HACL2: variants seen among roughly 807,000 people sequenced by gnomAD.
HACL2 encodes 2-hydroxyacyl-CoA lyase 1 like.
chr19:15,120,798 G>T, the HACL2 span, among the ~76,000 whole-genome samples: 1 of 152,190 alleles, frequency 6.6e-6, no homozygotes, highest in Non-Finnish European at 1.5e-5. Flanking sequence ...GGAACCGTGG[G>T]AAGCCCCGCA....
chr19:15,123,205 G>A, the HACL2 span: 7 of 1,613,884 alleles, frequency 4.3e-6, no homozygotes, highest in African/African-American at 4.0e-5. This position sits in a 1 kb window ranked among gnomAD's most constrained non-coding sequence, Gnocchi z 5.1. Context: ...GTGTTGGTGA[G>A]GCCAGGGCCT....
the HACL2 span, chr19:15,123,332 C>T: frequency 6.2e-7 from 1 of 1,606,828 alleles, no homozygotes; most frequent in Admixed American, 1.7e-5. The surrounding 1 kb of genome is among the most constrained non-coding windows in gnomAD (Gnocchi z 5.1). Flanking sequence ...ACACTCTAGC[C>T]CACAGTCCAA....
At chr19:15,122,860 A>C in the HACL2 span, 3,156 of 1,612,568 alleles carry the variant, frequency 2.0e-3, 30 homozygotes, top group South Asian at 0.016. This position sits in a 1 kb window ranked among gnomAD's most constrained non-coding sequence, Gnocchi z 4.0. Context: ...CCTCGGCCCC[A>C]GCACTGCTCA....
At chr19:15,116,291 G>A in the HACL2 span, 25 of 1,613,874 alleles carry the variant, frequency 1.5e-5, no homozygotes, top group Non-Finnish European at 2.1e-5. Flanking sequence ...CTGGGTTCAG[G>A]TGCTGGGCCA....
At chr19:15,119,138 G>A in the HACL2 span, 2 of 1,521,718 alleles carry the variant, frequency 1.3e-6, no homozygotes, top group African/African-American at 2.8e-5. Flanking sequence ...CCTGGGGGAA[G>A]GAGGGAAAGG....
chr19:15,116,430 G>T, the HACL2 span: 1 of 1,613,900 alleles, frequency 6.2e-7, no homozygotes, highest in East Asian at 2.2e-5. Flanking sequence ...TCCTTCTGCC[G>T]GTCGGCTTCC....
the HACL2 span, chr19:15,115,066 A>T: frequency 2.9e-6 from 2 of 682,390 alleles, no homozygotes; most frequent in Non-Finnish European, 2.6e-6. Flanking sequence ...GGGTCCGTGA[A>T]GAGGAGGGTC....
chr19:15,125,082 G>A, the HACL2 span: 1 of 1,518,114 alleles, frequency 6.6e-7, no homozygotes, highest in Non-Finnish European at 8.8e-7. Flanking sequence ...AAGAGAGAAA[G>A]GGCACTTCCC....
At chr19:15,119,444 G>A in the HACL2 span, 62 of 1,614,056 alleles carry the variant, frequency 3.8e-5, no homozygotes, top group Non-Finnish European at 5.1e-5. Flanking sequence ...ACGTTGGGGT[G>A]AGCAGGGCCT....
chr19:15,121,940 C>T, the HACL2 span, among the ~76,000 whole-genome samples: 1 of 146,974 alleles, frequency 6.8e-6, no homozygotes, highest in Non-Finnish European at 1.5e-5. Context: ...CTCTGTCACC[C>T]AGGCTGGAGT....
the HACL2 span, chr19:15,117,980 C>T: frequency 3.1e-6 from 5 of 1,614,168 alleles, no homozygotes; most frequent in Non-Finnish European, 1.7e-6. Flanking sequence ...TGGCTGAGGA[C>T]ACGGCCATAG....
the HACL2 span, chr19:15,119,401 G>A: frequency 6.2e-7 from 1 of 1,613,974 alleles, no homozygotes. Flanking sequence ...AACAAGGGCA[G>A]GGCTGGCGCT....
At chr19:15,123,227 C>T in the HACL2 span, 13 of 1,613,744 alleles carry the variant, frequency 8.1e-6, no homozygotes, top group East Asian at 2.2e-5. This position sits in a 1 kb window ranked among gnomAD's most constrained non-coding sequence, Gnocchi z 5.1. Flanking sequence ...CTGTCACTGC[C>T]GCCACGCCCA....
At chr19:15,118,849 C>G in the HACL2 span, among the ~76,000 whole-genome samples, 2 of 152,216 alleles carry the variant, frequency 1.3e-5, no homozygotes, top group Admixed American at 6.5e-5. Flanking sequence ...TGGATCAGCA[C>G]AGCTGCCTTC....
chr19:15,116,640 G>C, the HACL2 span: 4 of 742,760 alleles, frequency 5.4e-6, no homozygotes, highest in Non-Finnish European at 8.9e-6. Context: ...ACGGGAAGCA[G>C]GCCAGGGGTG....
the HACL2 span, chr19:15,118,146 G>A: frequency 2.6e-6 from 3 of 1,175,768 alleles, no homozygotes; most frequent in South Asian, 1.4e-5. Flanking sequence ...GCCACCTACA[G>A]TGACCTTGCA....
the HACL2 span, among the ~76,000 whole-genome samples, chr19:15,120,493 C>T: frequency 6.6e-6 from 1 of 152,236 alleles, no homozygotes; most frequent in Admixed American, 6.5e-5. Context: ...GATCTGTCCA[C>T]TTAGGACATG....
At chr19:15,120,826 GGAGGCT>G in the HACL2 span, among the ~76,000 whole-genome samples, 1 of 152,212 alleles carries the variant, frequency 6.6e-6, no homozygotes, top group African/African-American at 2.4e-5. Flanking sequence ...AAAAGGCAAG[GGAGGCT>G]GAGGCAGGAG....
At chr19:15,117,122 G>A in the HACL2 span, 906 of 156,998 alleles carry the variant, frequency 5.8e-3, 3 homozygotes, top group African/African-American at 0.02. Context: ...CAGATGCAAC[G>A]GTGCTACTTC....
Sources: allele counts gnomAD v4.1 joint callset (sites outside exome capture counted in the v4.1 genomes callset), GRCh38; gene constraint gnomAD v4.1.1; non-coding constraint Gnocchi (gnomAD v3.1); transcripts MANE v1.5; gene names NCBI Gene and HGNC (gene_info 2026-07-23, HGNC 2026-07-21).